The following HNRNPC variants were observed in gnomAD, a reference collection of about 807,000 sequenced individuals.
HNRNPC encodes the protein heterogeneous nuclear ribonucleoproteins C1/C2.
In HNRNPC, 3 loss-of-function variants were observed where a neutral mutation model predicts 33.2. The observed-to-expected ratio is 0.09, with a 90% confidence interval of 0.04 to 0.23. The LOEUF (loss-of-function observed/expected upper bound fraction) is 0.23, where lower values mean the gene tolerates loss of function less well. Ranked by LOEUF, HNRNPC falls within the 10% of genes least tolerant of loss-of-function variation. The probability of loss-of-function intolerance (pLI) is 1.00; values close to 1 mark genes in which losing one functional copy is unlikely to be tolerated. For synonymous variants in HNRNPC, 121 were observed against 126.7 expected (o/e 0.96, Z 0.30); for missense variants, 143 against 366.7 (o/e 0.39, Z 4.98).
intron 5 of HNRNPC, among the ~76,000 whole-genome samples, chr14:21,226,534 G>A (rs763943188): frequency 6.6e-6 from 1 of 150,676 alleles, no homozygotes; most frequent in Admixed American, 6.7e-5. Flanking sequence ...AACACCTTTC[G>A]CAAAACAAAA....
At chr14:21,237,480 T>C (rs1224252793) in intron 2 of HNRNPC, among the ~76,000 whole-genome samples, 1 of 152,238 alleles carries the variant, frequency 6.6e-6, no homozygotes, top group Admixed American at 6.5e-5. Context: ...TCTGTAACTC[T>C]TGAAAGCAGC....
intron 3 of HNRNPC, among the ~76,000 whole-genome samples, chr14:21,233,733 T>A (rs911945928): frequency 1.3e-5 from 2 of 152,172 alleles, no homozygotes; most frequent in African/African-American, 4.8e-5. Flanking sequence ...CTCACGATTG[T>A]AGTAGAGTTG....
intron 2 of HNRNPC, among the ~76,000 whole-genome samples, chr14:21,244,618 A>G (rs1594283048): frequency 6.6e-6 from 1 of 152,330 alleles, no homozygotes; most frequent in East Asian, 1.9e-4. Flanking sequence ...TCATCAGTAA[A>G]CCAATTAATC....
At chr14:21,262,306 T>C (rs1878379356) in intron 2 of HNRNPC, among the ~76,000 whole-genome samples, 1 of 152,212 alleles carries the variant, frequency 6.6e-6, no homozygotes, top group Non-Finnish European at 1.5e-5. Context: ...AAAAAGGGAC[T>C]CCCCAATATG....
chr14:21,211,121 T>C lies in HNRNPC; in HGVS notation c.*102A>G. The C allele has an allele frequency of 2.5e-6, 3 of 1,193,050 alleles. No individual in the cohort carries two copies. The highest frequency in any genetic ancestry group is 3.6e-5 in the Admixed American group (2 of 55,416). 73.9% of individuals were successfully genotyped at this position (1,193,050 alleles called of 1,614,324 possible). Reference sequence around the variant, plus strand: ...AAGGATGGGGAGAACAGTGAGCATGTGCTGAAGATACTAGGGGAGAGGATC... The same window carrying C: ...AAGGATGGGGAGAACAGTGAGCATGCGCTGAAGATACTAGGGGAGAGGATC... On this transcript the variant is annotated 3_prime_UTR_variant, in exon 9 of 9. Coordinates refer to ENST00000553300, the MANE Select transcript of HNRNPC (RefSeq NM_004500.4).
At chr14:21,238,489 C>T (rs1894975549) in intron 2 of HNRNPC, among the ~76,000 whole-genome samples, 1 of 152,188 alleles carries the variant, frequency 6.6e-6, no homozygotes, top group African/African-American at 2.4e-5. Flanking sequence ...CCCAAATTCA[C>T]TACAATGTAC....
chr14:21,214,593 A>G (rs1008832723), intron 5 of HNRNPC, among the ~76,000 whole-genome samples: 1 of 150,966 alleles, frequency 6.6e-6, no homozygotes, highest in Non-Finnish European at 1.5e-5. Flanking sequence ...AAAAGAAAAC[A>G]GAAAAAAGTT....
intron 1 of HNRNPC, among the ~76,000 whole-genome samples, chr14:21,268,412 C>T (rs1344617381): frequency 6.6e-6 from 1 of 152,164 alleles, no homozygotes; most frequent in Non-Finnish European, 1.5e-5. Flanking sequence ...TTTCCAGTTA[C>T]CTCGTGGTTT....
chr14:21,252,763 G>T (rs964829332), intron 2 of HNRNPC, among the ~76,000 whole-genome samples: 2 of 152,180 alleles, frequency 1.3e-5, no homozygotes, highest in Non-Finnish European at 2.9e-5. Flanking sequence ...TGGGAAGGGG[G>T]TGGATGGGGA....
intron 1 of HNRNPC, among the ~76,000 whole-genome samples, chr14:21,267,760 T>C (rs571714663): frequency 6.6e-6 from 1 of 152,242 alleles, no homozygotes; most frequent in South Asian, 2.1e-4. Context: ...TTCGAAAACC[T>C]CAAAGAAAAG....
At chr14:21,246,341 C>T (rs1238343445) in intron 2 of HNRNPC, among the ~76,000 whole-genome samples, 1 of 151,974 alleles carries the variant, frequency 6.6e-6, no homozygotes, top group Non-Finnish European at 1.5e-5. Flanking sequence ...TGGTGGATCA[C>T]GAGGTTAAGA....
At chr14:21,234,929 T>C (rs1894518572) in intron 2 of HNRNPC, 1 of 152,214 alleles carries the variant, frequency 6.6e-6, no homozygotes, top group Admixed American at 6.5e-5. Flanking sequence ...GGCTACTTTT[T>C]ATATAACCTA....
intron 2 of HNRNPC, among the ~76,000 whole-genome samples, chr14:21,259,408 T>G (rs1158979353): frequency 3.3e-5 from 5 of 152,226 alleles, no homozygotes; most frequent in Admixed American, 1.3e-4. Context: ...GCAGGGGACA[T>G]GTTTTGTTCA....
intron 2 of HNRNPC, among the ~76,000 whole-genome samples, chr14:21,235,789 T>C (rs1397926318): frequency 6.6e-6 from 1 of 152,128 alleles, no homozygotes; most frequent in Non-Finnish European, 1.5e-5. Flanking sequence ...TATAATCTGG[T>C]TTTAAGCAAC....
At chr14:21,227,157 A>G (rs1893559759) in intron 5 of HNRNPC, among the ~76,000 whole-genome samples, 1 of 151,918 alleles carries the variant, frequency 6.6e-6, no homozygotes, top group African/African-American at 2.4e-5. Context: ...TTGACCTAAC[A>G]TTTTCCAAAC....
At chr14:21,264,179 T>C (rs916429880) in intron 1 of HNRNPC, 1 of 152,276 alleles carries the variant, frequency 6.6e-6, no homozygotes, top group East Asian at 1.9e-4. Flanking sequence ...TGTCAAATAC[T>C]GAGATTATAA....
intron 3 of HNRNPC, 99 bp downstream of exon 3, chr14:21,233,854 T>G (rs1894383107): frequency 9.2e-6 from 13 of 1,415,920 alleles, no homozygotes; most frequent in Non-Finnish European, 1.2e-5. Context: ...ATATCCAGAA[T>G]ATCTCATGCT....
At chr14:21,233,085 A>C (rs1038833454) in intron 3 of HNRNPC, among the ~76,000 whole-genome samples, 9 of 152,186 alleles carry the variant, frequency 5.9e-5, no homozygotes, top group African/African-American at 2.2e-4. Context: ...GAACACCATT[A>C]CATGAATAAC....
chr14:21,219,784 GCTTA>G lies in HNRNPC; in HGVS notation c.366-6671_366-6668del, dbSNP rs1289498331. On this transcript the variant is annotated intron_variant, in intron 5 of 8. Coordinates refer to ENST00000553300, the MANE Select transcript of HNRNPC (RefSeq NM_004500.4). ...CTCCCTTAGAACCATATAAACAACT[GCTTA>G]CTTAATATCTCTCCAAACGGATCAA... Among the ~76,000 whole-genome samples, 4 of 152,120 alleles carry G rather than the reference GCTTA, an allele frequency of 2.6e-5. No homozygotes were observed. The East Asian group carries it at 5.8e-4, about 22-fold the overall frequency.
Sources: gnomAD v4.1 joint callset for allele counts (sites outside exome capture counted in the v4.1 genomes callset) on GRCh38, gnomAD v4.1.1 for gene constraint, MANE v1.5 for transcripts, NCBI Gene and HGNC (gene_info 2026-07-23, HGNC 2026-07-21) for gene names.